Variants in SAMD12 observed in about 807,000 individuals in gnomAD.
SAMD12 encodes sterile alpha motif domain containing 12.
In SAMD12, 9 loss-of-function variants were observed where a neutral mutation model predicts 15.0. That is an observed-to-expected ratio of 0.60 (90% CI 0.36 to 1.05). SAMD12 has a LOEUF of 1.05. Ranked by LOEUF, SAMD12 falls within the 50% of genes least tolerant of loss-of-function variation. The pLI is 0.01. For synonymous variants in SAMD12, 86 were observed against 90.1 expected, an observed-to-expected ratio of 0.96 and a Z score of 0.25; for missense variants, 230 against 234.2, an observed-to-expected ratio of 0.98 and a Z score of 0.12.
the SAMD12 span, among the ~76,000 whole-genome samples, chr8:118,154,144 G>GCACA: frequency 0.15 from 22,359 of 149,648 alleles, 1,690 homozygotes; most frequent in African/African-American, 0.17. Flanking sequence ...ACACACAAGT[G>GCACA]CACACACACA....
intron 4 of SAMD12, among the ~76,000 whole-genome samples, chr8:118,329,008 C>G (rs1013790003): frequency 6.6e-6 from 1 of 152,178 alleles, no homozygotes; most frequent in Non-Finnish European, 1.5e-5. Context: ...ATCTAGAAAC[C>G]TGCATCAGAT....
intron 2 of SAMD12, among the ~76,000 whole-genome samples, chr8:118,550,005 C>T (rs1826272975): frequency 6.6e-6 from 1 of 152,156 alleles, no homozygotes; most frequent in South Asian, 2.1e-4. Context: ...ATGAACAAAA[C>T]CTCCAAGAAA....
chr8:118,606,708 T>C (rs1827994903), intron 1 of SAMD12, among the ~76,000 whole-genome samples: 1 of 151,962 alleles, frequency 6.6e-6, no homozygotes. Context: ...CCAAGGAGAA[T>C]CACTCTCCCT....
At chr8:118,549,544 C>G (rs567848876) in intron 2 of SAMD12, among the ~76,000 whole-genome samples, 1 of 152,292 alleles carries the variant, frequency 6.6e-6, no homozygotes, top group South Asian at 2.1e-4. Context: ...TCTCCATCAT[C>G]AGAGGCCAAA....
intron 2 of SAMD12, among the ~76,000 whole-genome samples, chr8:118,565,520 CT>C (rs1826823032): frequency 6.6e-6 from 1 of 152,206 alleles, no homozygotes; most frequent in South Asian, 2.1e-4. Flanking sequence ...CAGAAAACCC[CT>C]TGGTTTCTAC....
intron 2 of SAMD12, among the ~76,000 whole-genome samples, chr8:118,556,049 G>A (rs1378572869): frequency 6.6e-6 from 1 of 152,180 alleles, no homozygotes; most frequent in African/African-American, 2.4e-5. Context: ...TGAGAATGGG[G>A]AACTGGAGAA....
At chr8:118,618,687 A>G (rs979362414) in intron 1 of SAMD12, among the ~76,000 whole-genome samples, 4 of 151,988 alleles carry the variant, frequency 2.6e-5, no homozygotes, top group African/African-American at 9.7e-5. Flanking sequence ...AAAGTACAAA[A>G]AAATCAGCCG....
At chr8:118,293,699 C>A (rs972903504) in intron 4 of SAMD12, among the ~76,000 whole-genome samples, 1 of 152,062 alleles carries the variant, frequency 6.6e-6, no homozygotes, top group African/African-American at 2.4e-5. Flanking sequence ...AATGCCAATA[C>A]CCCCAATGTA....
chr8:118,446,048 T>C (rs73708497), intron 2 of SAMD12, among the ~76,000 whole-genome samples: 3 of 152,290 alleles, frequency 2.0e-5, no homozygotes, highest in Admixed American at 6.5e-5. Flanking sequence ...AGTTCATCAT[T>C]TGAAATCCTT....
At chr8:118,515,047 C>T (rs1825196691) in intron 2 of SAMD12, among the ~76,000 whole-genome samples, 2 of 152,184 alleles carry the variant, frequency 1.3e-5, no homozygotes, top group East Asian at 1.9e-4. Context: ...GAGACGGAGT[C>T]TCACTCTGTC....
intron 2 of SAMD12, among the ~76,000 whole-genome samples, chr8:118,522,332 G>A (rs1825414036): frequency 6.6e-6 from 1 of 152,024 alleles, no homozygotes; most frequent in East Asian, 1.9e-4. Flanking sequence ...TGGCTTTGTG[G>A]GCAGGGGAAA....
In SAMD12 at chr8:118,378,071, G is replaced by A. The variant is rs1651419862; in HGVS notation, c.*1346C>T. The A allele has an allele frequency of 6.6e-6, 1 of 152,064 alleles. No homozygotes were observed. Among genetic ancestry groups the A allele is most frequent in the Non-Finnish European group, 1.5e-5 (1 of 67,984 alleles). The allele number at this position is 152,064 out of a possible 1,614,324, so 9.4% of individuals were successfully genotyped here. A position where few individuals can be genotyped will look rare whatever the true frequency, so the allele number is the denominator to read the frequency against. On this transcript the variant is annotated 3_prime_UTR_variant, in exon 4 of 4. Coordinates refer to ENST00000314727, the MANE Select transcript of SAMD12 (RefSeq NM_207506.3). ...TTTTCTGTACATATAAGAATATATG[G>A]TTTTTACAAAATTGGGCTTATATTA...
downstream of SAMD12, among the ~76,000 whole-genome samples, chr8:118,377,204 C>G (rs576937561): frequency 3.5e-4 from 54 of 152,118 alleles, no homozygotes; most frequent in South Asian, 2.5e-3. Context: ...CGAGACCAAC[C>G]CGGCCAACAT....
At chr8:118,497,739 G>GGGGGGAA (rs1824665092) in intron 2 of SAMD12, among the ~76,000 whole-genome samples, 1 of 58,244 alleles carries the variant, frequency 1.7e-5, no homozygotes, top group African/African-American at 7.7e-5. Flanking sequence ...GGGGTGGGGG[G>GGGGGGAA]AAAGAAAAAA....
chr8:118,309,402 GTGTGTA>G (rs1287793136), intron 4 of SAMD12, among the ~76,000 whole-genome samples: 8 of 151,156 alleles, frequency 5.3e-5, no homozygotes, highest in East Asian at 1.9e-4. Context: ...GTGTGTGTGT[GTGTGTA>G]TGTGTATTAT....
intron 2 of SAMD12, among the ~76,000 whole-genome samples, chr8:118,556,963 CA>C (rs369315866): frequency 0.02 from 2,803 of 138,878 alleles, 90 homozygotes; most frequent in African/African-American, 0.069. Flanking sequence ...GACTCCATCT[CA>C]AAAAAAAAAG....
At chr8:118,397,818 G>C (rs1242571481) in intron 3 of SAMD12, among the ~76,000 whole-genome samples, 2 of 151,494 alleles carry the variant, frequency 1.3e-5, no homozygotes, top group Non-Finnish European at 2.9e-5. Context: ...AATGAGACTG[G>C]GTCTCGCTCT....
At position 118,197,661 on chromosome 8, in the gene SAMD12, C is replaced by T. The variant is rs767549625; in HGVS notation, c.*49G>A. 31 of 1,513,012 alleles carry T rather than the reference C, an allele frequency of 2.0e-5. No individual in the cohort carries two copies. The South Asian group carries it at 2.9e-4, about 14-fold the overall frequency. The allele number at this position is 1,513,012 out of a possible 1,614,324, so 93.7% of individuals were successfully genotyped here. ...GGTTAGTCTTTCTGTGAGGAACAGG[C>T]CATGTTCATATCAACTGGCAGGACA... On this transcript the variant is annotated 3_prime_UTR_variant, in exon 5 of 5. Transcript: ENST00000409003.
chr8:118,250,890 A>G (rs1438705651), intron 4 of SAMD12, among the ~76,000 whole-genome samples: 2 of 152,054 alleles, frequency 1.3e-5, no homozygotes, highest in African/African-American at 2.4e-5. Flanking sequence ...AATCCTAGGG[A>G]GTCAAAGAGA....
Sources: allele counts gnomAD v4.1 joint callset (sites outside exome capture counted in the v4.1 genomes callset), GRCh38; gene constraint gnomAD v4.1.1; transcripts MANE v1.5; gene names NCBI Gene and HGNC (gene_info 2026-07-23, HGNC 2026-07-21).